The following MMP26 variants were observed in gnomAD, a reference collection of about 807,000 sequenced individuals.
The protein encoded by MMP26 is matrix metalloproteinase-26.
MMP26 carries 33 observed loss-of-function variants against 31.0 expected under a neutral mutation model. The observed-to-expected ratio is 1.06, with a 90% CI of 0.81 to 1.42. The LOEUF (loss-of-function observed/expected upper bound fraction) is 1.42. Ranked by LOEUF, MMP26 falls within the 40% of genes most tolerant of loss-of-function variation. The pLI, the probability that MMP26 is intolerant of heterozygous loss-of-function variation, is 0.00. For missense variants in MMP26, 347 were observed against 316.1 expected (o/e 1.10, Z -0.74); for synonymous variants, 122 against 114.9 (o/e 1.06, Z -0.40).
chr11:4,780,057 AT>A (rs1191903122), intron 2 of MMP26, among the ~76,000 whole-genome samples: 1 of 152,130 alleles, frequency 6.6e-6, no homozygotes, highest in Non-Finnish European at 1.5e-5. Flanking sequence ...ATAGAATTCC[AT>A]TTGTGGGTAT....
Position 4,954,638 on chromosome 11 carries a change from C to A in MMP26, c.-144-33430C>A, listed in dbSNP as rs180939806. The stretch of plus-strand genomic sequence containing the variant: ...ACAGTTTTATTCCCATTCTCAGTAT[C>A]TAGAGTGAATAAAATAAGTCTGTGA... On this transcript the variant is annotated intron_variant, in intron 2 of 7. Coordinates refer to ENST00000380390, the MANE Select transcript of MMP26 (RefSeq NM_021801.5). 2.5e-4 allele frequency: 146 copies of A among 577,496 alleles called. 25 individuals are homozygous for A. Among genetic ancestry groups the A allele is most frequent in the African/African-American group, 2.3e-3 (120 of 52,088 alleles). 35.8% of individuals were successfully genotyped at this position (577,496 alleles called of 1,614,324 possible).
rs747753151 is a variant in MMP26, at chr11:4,816,697, C to CTTTT, written c.-145+49377_-145+49380dup. ...TTTTCTTTTGATGAATGGGTGCCTT[C>CTTTT]TTTTTTTTTTTTTTTTTTTTTTTTG... is the stretch of plus-strand genomic sequence containing the variant. On this transcript the variant is annotated intron_variant, in intron 2 of 7. Transcript: ENST00000380390. Among the ~76,000 whole-genome samples the CTTTT allele has an allele frequency of 7.5e-3, 597 of 79,232 alleles. 1 individual carries two copies. The highest frequency in any genetic ancestry group is 0.013 in the African/African-American group (238 of 18,250). 52.0% of individuals were successfully genotyped at this position (79,232 alleles called of 152,430 possible).
rs200865388 is a variant in MMP26 at position 4,813,120 on chromosome 11, TC to T, written c.-145+45780del. 5.9e-3 allele frequency among the ~76,000 whole-genome samples: 892 copies of T among 152,176 alleles called. 11 individuals are homozygous for T. The highest frequency in any genetic ancestry group is 0.02 in the African/African-American group (847 of 41,510). ...TCTGGGTTCAAGAGATTCTCCTGCC[TC>T]AGCCTCCCAAGTAGCTGGGATTACA... On this transcript the variant is annotated intron_variant, in intron 2 of 7. Transcript: ENST00000380390.
chr11:4,965,853 C>T, intron 2 of MMP26, among the ~76,000 whole-genome samples: 1 of 152,186 alleles, frequency 6.6e-6, no homozygotes, highest in East Asian at 1.9e-4. Context: ...TACTTATATG[C>T]AAATTCACAT....
intron 1 of MMP26, among the ~76,000 whole-genome samples, chr11:4,739,180 T>C (rs1589887691): frequency 4.6e-5 from 7 of 152,200 alleles, no homozygotes; most frequent in Admixed American, 4.6e-4. Context: ...TAGCCCAATA[T>C]TGTTGCAATT....
chr11:4,783,209 G>T (rs1399379429), intron 2 of MMP26, among the ~76,000 whole-genome samples: 2 of 152,216 alleles, frequency 1.3e-5, no homozygotes, highest in Non-Finnish European at 2.9e-5. Flanking sequence ...CCAGGTGGGA[G>T]GATGTACCTT....
At position 4,974,706 on chromosome 11, in the gene MMP26, C is replaced by T. The variant is rs555086656; in HGVS notation, c.-144-13362C>T. The stretch of plus-strand genomic sequence containing the variant: ...TGCATCATCTTCTTAACTCTGTATA[C>T]ACCTTTGTAAAGAAATCCTAGGAAG... On this transcript the variant is annotated intron_variant, in intron 2 of 7. Transcript: ENST00000380390. 7.7e-4 allele frequency among the ~76,000 whole-genome samples: 117 copies of T among 152,162 alleles called. 1 individual carries two copies. Among genetic ancestry groups the T allele is most frequent in the African/African-American group, 2.8e-3 (116 of 41,458 alleles).
At chr11:4,826,890 A>T (rs1849584709) in intron 2 of MMP26, among the ~76,000 whole-genome samples, 1 of 152,150 alleles carries the variant, frequency 6.6e-6, no homozygotes, top group Admixed American at 6.5e-5. Context: ...AACCCAGGAA[A>T]ATAAAAAGAC....
At chr11:4,813,690 A>G (rs1310572871) in intron 2 of MMP26, among the ~76,000 whole-genome samples, 1 of 152,212 alleles carries the variant, frequency 6.6e-6, no homozygotes. Context: ...CCTAAATTTG[A>G]AAGCTAAAGC....
At chr11:4,772,312 T>C (rs754485359) in intron 2 of MMP26, among the ~76,000 whole-genome samples, 8 of 152,182 alleles carry the variant, frequency 5.3e-5, no homozygotes, top group African/African-American at 1.9e-4. Flanking sequence ...TAGAGAGATG[T>C]ACATCATTGT....
At chr11:4,717,023 T>G (rs1847942493) in intron 1 of MMP26, among the ~76,000 whole-genome samples, 1 of 152,176 alleles carries the variant, frequency 6.6e-6, no homozygotes, top group Non-Finnish European at 1.5e-5. Context: ...GTGGCATTTC[T>G]AAAATATCTG....
intron 1 of MMP26, among the ~76,000 whole-genome samples, chr11:4,743,979 T>C (rs1472444661): frequency 6.7e-6 from 1 of 149,890 alleles, no homozygotes; most frequent in Non-Finnish European, 1.5e-5. Flanking sequence ...TAATTTGTTT[T>C]TGTATTTTTT....
At chr11:4,741,063 C>A (rs1015680093) in intron 1 of MMP26, among the ~76,000 whole-genome samples, 1 of 152,152 alleles carries the variant, frequency 6.6e-6, no homozygotes, top group Admixed American at 6.5e-5. Context: ...ATATTTAAGT[C>A]TTTAATTCAT....
chr11:4,957,403 C>T (rs1846458857), intron 2 of MMP26, among the ~76,000 whole-genome samples: 1 of 152,174 alleles, frequency 6.6e-6, no homozygotes, highest in Non-Finnish European at 1.5e-5. Flanking sequence ...CAAAGGGCAT[C>T]CAGGTCAATT....
chr11:4,823,237 C>A (rs1485363775), intron 2 of MMP26, among the ~76,000 whole-genome samples: 1 of 152,148 alleles, frequency 6.6e-6, no homozygotes, highest in African/African-American at 2.4e-5. Flanking sequence ...AGACACAGAG[C>A]TTTTCATCCT....
chr11:4,959,052 C>T (rs1294985285), intron 2 of MMP26, among the ~76,000 whole-genome samples: 2 of 151,850 alleles, frequency 1.3e-5, no homozygotes, highest in South Asian at 2.1e-4. Context: ...TCCTGGCTAA[C>T]ACGGTGAAAC....
At chr11:4,716,298 G>A (rs972323828) in intron 1 of MMP26, among the ~76,000 whole-genome samples, 1 of 152,194 alleles carries the variant, frequency 6.6e-6, no homozygotes, top group Non-Finnish European at 1.5e-5. Context: ...TGAACTGTGA[G>A]GTAATATATG....
chr11:4,940,335 A>G (rs1263778203), intron 2 of MMP26, among the ~76,000 whole-genome samples: 1 of 152,080 alleles, frequency 6.6e-6, no homozygotes, highest in Non-Finnish European at 1.5e-5. Flanking sequence ...CAAAGTGTAC[A>G]CTCTGTCTCT....
intron 2 of MMP26, among the ~76,000 whole-genome samples, chr11:4,795,839 AGAGG>A (rs1341438609): frequency 7.2e-6 from 1 of 139,194 alleles, no homozygotes; most frequent in African/African-American, 2.6e-5. Context: ...AAAGAGAGAG[AGAGG>A]GAGAGAGAGA....
Sources: allele counts gnomAD v4.1 joint callset (sites outside exome capture counted in the v4.1 genomes callset), GRCh38; gene constraint gnomAD v4.1.1; transcripts MANE v1.5; gene names NCBI Gene and HGNC (gene_info 2026-07-23, HGNC 2026-07-21).